The following RAB6A variants were observed in gnomAD, a reference collection of about 807,000 sequenced individuals.
RAB6A encodes the protein ras-related protein Rab-6A.
A neutral mutation model predicts 32.3 loss-of-function variants in RAB6A; 8 were observed. That is an observed-to-expected ratio of 0.25 (90% CI 0.15 to 0.45). RAB6A has a LOEUF of 0.45. RAB6A is among the 20% of genes least tolerant of loss of function. The probability of loss-of-function intolerance (pLI) is 1.00; values close to 1 mark genes in which losing one functional copy is unlikely to be tolerated. For synonymous variants in RAB6A, 73 were observed against 82.1 expected (o/e 0.89, Z 0.60); for missense variants, 104 against 249.4 (o/e 0.42, Z 3.93).
chr11:73,748,419 A>C (rs757496550), intron 1 of RAB6A, among the ~76,000 whole-genome samples: 20 of 152,208 alleles, frequency 1.3e-4, no homozygotes, highest in Non-Finnish European at 2.1e-4. Flanking sequence ...GTTTGCTTTA[A>C]AATAACGCAC....
chr11:73,680,006 G>C (rs1334563301), intron 6 of RAB6A, among the ~76,000 whole-genome samples: 1 of 152,150 alleles, frequency 6.6e-6, no homozygotes, highest in Non-Finnish European at 1.5e-5. Context: ...GCTGAACCTG[G>C]AGGACTGCTT....
At chr11:73,698,791 T>A (rs2134900130) in intron 6 of RAB6A, among the ~76,000 whole-genome samples, 1 of 151,876 alleles carries the variant, frequency 6.6e-6, no homozygotes, top group South Asian at 2.1e-4. Flanking sequence ...CCTAGAAGCA[T>A]CCCCAGTTAC....
intron 6 of RAB6A, among the ~76,000 whole-genome samples, chr11:73,700,588 A>AG (rs1945724822): frequency 2.5e-5 from 2 of 80,652 alleles, no homozygotes; most frequent in South Asian, 1.5e-3. Flanking sequence ...TGTCTCAAAA[A>AG]AAAAAAAAAA....
intron 6 of RAB6A, among the ~76,000 whole-genome samples, chr11:73,706,703 C>T (rs887201508): frequency 1.1e-4 from 16 of 152,098 alleles, no homozygotes; most frequent in African/African-American, 3.6e-4. Flanking sequence ...AAACACTGTT[C>T]AAACACCAGC....
chr11:73,736,353 C>T (rs191169546), intron 1 of RAB6A, among the ~76,000 whole-genome samples: 8 of 151,526 alleles, frequency 5.3e-5, no homozygotes, highest in South Asian at 2.1e-4. Flanking sequence ...CACTTGAACC[C>T]GGGAGGCGGA....
chr11:73,705,430 C>A (rs1945823254), intron 6 of RAB6A, among the ~76,000 whole-genome samples: 2 of 152,120 alleles, frequency 1.3e-5, no homozygotes, highest in African/African-American at 4.8e-5. Flanking sequence ...CACCTGTAAT[C>A]CCAGCTACTG....
intron 6 of RAB6A, among the ~76,000 whole-genome samples, chr11:73,683,190 G>A (rs138306123): frequency 2.7e-5 from 4 of 150,624 alleles, no homozygotes; most frequent in African/African-American, 9.7e-5. Context: ...ACAGCATTTT[G>A]CAGATACATT....
intron 2 of RAB6A, among the ~76,000 whole-genome samples, chr11:73,727,175 C>CCCA (rs1946235563): frequency 6.6e-6 from 1 of 152,122 alleles, no homozygotes; most frequent in African/African-American, 2.4e-5. Flanking sequence ...TCCCTGTAAT[C>CCCA]CCAGCACTTT....
At chr11:73,702,292 C>T (rs1945757787) in intron 6 of RAB6A, among the ~76,000 whole-genome samples, 1 of 152,144 alleles carries the variant, frequency 6.6e-6, no homozygotes, top group South Asian at 2.1e-4. Flanking sequence ...TCCTGAGTAG[C>T]TGGAACTACA....
Position 73,760,844 on chromosome 11 carries a change from C to G in RAB6A, c.-209G>C, listed in dbSNP as rs964862192. 1.8e-4 allele frequency: 105 copies of G among 576,844 alleles called. No homozygotes were observed. The highest frequency in any genetic ancestry group is 2.6e-4 in the Non-Finnish European group (91 of 344,142). The allele number at this position is 576,844 out of a possible 1,614,324, so 35.7% of individuals were successfully genotyped here. A position where few individuals can be genotyped will look rare whatever the true frequency, so the allele number is the denominator to read the frequency against. Reference sequence around the variant, plus strand: ...GCCTCCCGGCAGAGTAGCCTAGCACCGAGCGAGGCCCGCGGCTGGGAAGGG... The same window carrying G: ...GCCTCCCGGCAGAGTAGCCTAGCACGGAGCGAGGCCCGCGGCTGGGAAGGG... On this transcript the variant is annotated 5_prime_UTR_variant, in exon 1 of 8. Coordinates refer to ENST00000336083, the MANE Select transcript of RAB6A (RefSeq NM_198896.2).
At chr11:73,702,371 T>C (rs1945759681) in intron 6 of RAB6A, among the ~76,000 whole-genome samples, 2 of 152,178 alleles carry the variant, frequency 1.3e-5, no homozygotes, top group African/African-American at 4.8e-5. Context: ...AGGGTTTCAC[T>C]ATGTTGACCA....
chr11:73,731,729 TATACAC>T (rs1321128004), intron 1 of RAB6A, among the ~76,000 whole-genome samples: 70 of 7,524 alleles, frequency 9.3e-3, no homozygotes, highest in African/African-American at 0.024. Flanking sequence ...TATATATATA[TATACAC>T]ACACACACAC....
At chr11:73,684,514 C>T (rs1230246076) in intron 6 of RAB6A, among the ~76,000 whole-genome samples, 1 of 152,130 alleles carries the variant, frequency 6.6e-6, no homozygotes, top group Non-Finnish European at 1.5e-5. Context: ...TAATAGAGTA[C>T]AGTATAGTAT....
intron 6 of RAB6A, among the ~76,000 whole-genome samples, chr11:73,685,885 CAAAAAAAAAA>C (rs56270679): frequency 0.62 from 64,912 of 104,206 alleles, 18,617 homozygotes; most frequent in East Asian, 0.73. Context: ...AACTCCGTCT[CAAAAAAAAAA>C]AAAAAAAAAA....
Position 73,760,655 on chromosome 11 carries a change from C to A in RAB6A, c.-20G>T. The A allele has an allele frequency of 6.2e-7, 1 of 1,601,928 alleles. No individual in the cohort carries two copies. The highest frequency in any genetic ancestry group is 8.5e-7 in the Non-Finnish European group (1 of 1,174,758). ...GGACATTGTGGAACTAGAGGAGCGG[C>A]CGCCGCCTCAGCCTAGAGACCTCCC... is the stretch of plus-strand genomic sequence containing the variant. On this transcript the variant is annotated 5_prime_UTR_variant, in exon 1 of 8. Transcript: ENST00000336083.
At chr11:73,704,736 C>T (rs1007679228) in intron 6 of RAB6A, among the ~76,000 whole-genome samples, 1 of 150,970 alleles carries the variant, frequency 6.6e-6, no homozygotes, top group Admixed American at 6.6e-5. Flanking sequence ...GTGGCTCACA[C>T]CTGTAATCCC....
At chr11:73,679,748 T>C (rs894679668) in intron 6 of RAB6A, 28 bp from the exon 7 acceptor site, 1 of 1,612,690 alleles carries the variant, frequency 6.2e-7, no homozygotes, top group African/African-American at 1.3e-5. Context: ...AAGTGATAAC[T>C]GAGAGGGAAC....
At chr11:73,733,568 TAAATAA>T (rs1565371212) in intron 1 of RAB6A, among the ~76,000 whole-genome samples, 17 of 138,294 alleles carry the variant, frequency 1.2e-4, no homozygotes, top group Middle Eastern at 3.9e-3. Flanking sequence ...AAAAAATAAA[TAAATAA>T]AAATAAATAA....
At chr11:73,717,995 GACT>G (rs1484680956) in intron 4 of RAB6A, among the ~76,000 whole-genome samples, 1 of 152,126 alleles carries the variant, frequency 6.6e-6, no homozygotes, top group Non-Finnish European at 1.5e-5. Context: ...AAAAGAAAAA[GACT>G]ACTAGTTGTT....
Sources: gnomAD v4.1 joint callset for allele counts (sites outside exome capture counted in the v4.1 genomes callset) on GRCh38, gnomAD v4.1.1 for gene constraint, MANE v1.5 for transcripts, NCBI Gene and HGNC (gene_info 2026-07-23, HGNC 2026-07-21) for gene names.